The following WWOX variants were observed in gnomAD, a reference collection of about 807,000 sequenced individuals.
WWOX encodes the protein WW domain containing oxidoreductase.
In WWOX, 69 loss-of-function variants were observed where a neutral mutation model predicts 46.2. The observed-to-expected ratio is 1.49, with a 90% CI of 1.23 to 1.82. The LOEUF is 1.82. Among genes scored for constraint, WWOX ranks in the 40% most tolerant of loss-of-function variants. WWOX has a pLI of 0.00. For synonymous variants in WWOX, 359 were observed against 202.6 expected, an observed-to-expected ratio of 1.77 and a Z score of -6.56; for missense variants, 919 against 542.6, an observed-to-expected ratio of 1.69 and a Z score of -6.89.
At chr16:79,164,283 C>A (rs918049558) in intron 8 of WWOX, among the ~76,000 whole-genome samples, 1 of 152,130 alleles carries the variant, frequency 6.6e-6, no homozygotes, top group African/African-American at 2.4e-5. Context: ...TTGTTTTTTT[C>A]CTTCCACCAT....
At chr16:78,330,839 G>A (rs1217980956) in intron 5 of WWOX, among the ~76,000 whole-genome samples, 1 of 152,190 alleles carries the variant, frequency 6.6e-6, no homozygotes, top group Admixed American at 6.6e-5. Flanking sequence ...CTTCCTCCTG[G>A]AAACAGAAGA....
chr16:78,314,607 C>G (rs1463094655), intron 5 of WWOX, among the ~76,000 whole-genome samples: 1 of 148,284 alleles, frequency 6.7e-6, no homozygotes. Flanking sequence ...TCACTGCAAC[C>G]TCTACCTCCT....
At chr16:78,981,417 A>G (rs779582546) in intron 8 of WWOX, among the ~76,000 whole-genome samples, 1 of 150,614 alleles carries the variant, frequency 6.6e-6, no homozygotes, top group Non-Finnish European at 1.5e-5. Flanking sequence ...TATCACATCC[A>G]GGATGATGTT....
chr16:78,960,806 T>C (rs941079785), intron 8 of WWOX, among the ~76,000 whole-genome samples: 2 of 152,190 alleles, frequency 1.3e-5, no homozygotes, highest in African/African-American at 4.8e-5. Context: ...TGTCTTCTTG[T>C]TAAACTAGCA....
chr16:78,159,142 T>C (rs1227509446), intron 4 of WWOX, among the ~76,000 whole-genome samples: 1 of 151,310 alleles, frequency 6.6e-6, no homozygotes, highest in Non-Finnish European at 1.5e-5. Flanking sequence ...TATTCCATTG[T>C]GTGTGTTTGT....
At chr16:78,568,317 A>G (rs996081201) in intron 8 of WWOX, among the ~76,000 whole-genome samples, 2 of 152,198 alleles carry the variant, frequency 1.3e-5, no homozygotes, top group South Asian at 2.1e-4. Context: ...TTGTCCCTCC[A>G]AAAGCCTGCA....
chr16:78,974,293 G>T (rs1336115739), intron 8 of WWOX, among the ~76,000 whole-genome samples: 1 of 152,092 alleles, frequency 6.6e-6, no homozygotes, highest in African/African-American at 2.4e-5. Context: ...GCAGTTAAAT[G>T]AATAACCGCC....
At chr16:78,628,648 G>A (rs1230381853) in intron 8 of WWOX, among the ~76,000 whole-genome samples, 1 of 151,936 alleles carries the variant, frequency 6.6e-6, no homozygotes, top group East Asian at 1.9e-4. Context: ...CTCTTTGTCT[G>A]GAACTTTGCA....
chr16:78,422,680 T>TATATATATATATATATATATAC (rs1567563262), intron 6 of WWOX, among the ~76,000 whole-genome samples: 1 of 75,160 alleles, frequency 1.3e-5, no homozygotes, highest in Non-Finnish European at 2.3e-5. Context: ...TATATATATA[T>TATATATATATATATATATATAC]ATATACACAC....
At chr16:78,667,294 C>G (rs2047353501) in intron 8 of WWOX, among the ~76,000 whole-genome samples, 2 of 152,288 alleles carry the variant, frequency 1.3e-5, no homozygotes, top group South Asian at 2.1e-4. Flanking sequence ...ACACCATTTT[C>G]AAGCTTGGAC....
chr16:78,480,151 TAATTAA>T (rs927231001), intron 8 of WWOX, among the ~76,000 whole-genome samples: 3 of 152,198 alleles, frequency 2.0e-5, no homozygotes, highest in Admixed American at 1.3e-4. Flanking sequence ...AAATGTAAAT[TAATTAA>T]AATTAAAAGT....
At chr16:78,604,345 T>G (rs1323967102) in intron 8 of WWOX, among the ~76,000 whole-genome samples, 1 of 152,024 alleles carries the variant, frequency 6.6e-6, no homozygotes, top group African/African-American at 2.4e-5. Context: ...CATGAATGCT[T>G]TAGTGTGGCA....
chr16:78,145,467 G>A (rs1020851331), intron 4 of WWOX, among the ~76,000 whole-genome samples: 1 of 152,156 alleles, frequency 6.6e-6, no homozygotes, highest in Non-Finnish European at 1.5e-5. Context: ...GATCCAGCAT[G>A]GGAGAAAGAT....
At chr16:78,850,316 A>G (rs902225223) in intron 8 of WWOX, among the ~76,000 whole-genome samples, 3 of 152,174 alleles carry the variant, frequency 2.0e-5, no homozygotes, top group East Asian at 1.9e-4. Context: ...TTTCGCCTCC[A>G]TAATATTAGT....
At chr16:78,429,536 A>G (rs186264000) in intron 7 of WWOX, among the ~76,000 whole-genome samples, 1 of 152,272 alleles carries the variant, frequency 6.6e-6, no homozygotes, top group East Asian at 1.9e-4. Context: ...AGTTGACAAA[A>G]GATGAGTAGA....
chr16:78,428,704 A>C (rs1206526385), intron 7 of WWOX, among the ~76,000 whole-genome samples: 1 of 152,176 alleles, frequency 6.6e-6, no homozygotes, highest in Non-Finnish European at 1.5e-5. Context: ...CAGGGACCTT[A>C]TTCTTAACAG....
intron 8 of WWOX, among the ~76,000 whole-genome samples, chr16:78,847,801 A>G (rs1233133842): frequency 6.6e-6 from 1 of 152,112 alleles, no homozygotes; most frequent in Non-Finnish European, 1.5e-5. Flanking sequence ...AAAAAGGAAA[A>G]CAGTATTTCC....
At chr16:78,836,150 G>C (rs1194070470) in intron 8 of WWOX, among the ~76,000 whole-genome samples, 1 of 151,936 alleles carries the variant, frequency 6.6e-6, no homozygotes, top group Non-Finnish European at 1.5e-5. Context: ...TTCTTTGTAA[G>C]GGTATAACAG....
intron 8 of WWOX, among the ~76,000 whole-genome samples, chr16:79,052,867 T>C (rs1344658039): frequency 6.6e-6 from 1 of 151,538 alleles, no homozygotes; most frequent in East Asian, 1.9e-4. Context: ...AAGAAGTGGA[T>C]GGCAAGAAGA....
Sources: gnomAD v4.1 joint callset for allele counts (sites outside exome capture counted in the v4.1 genomes callset) on GRCh38, gnomAD v4.1.1 for gene constraint, MANE v1.5 for transcripts, NCBI Gene and HGNC (gene_info 2026-07-23, HGNC 2026-07-21) for gene names.